Variants in FANCA observed in about 807,000 individuals in gnomAD.
The protein encoded by FANCA is FA complementation group A.
Under a neutral mutation model 194.3 loss-of-function variants are expected in FANCA, and 236 were observed. The observed-to-expected ratio is 1.21, with a 90% CI of 1.09 to 1.35. The LOEUF is 1.35. FANCA is among the 40% of genes most tolerant of loss of function. The probability of loss-of-function intolerance (pLI) is 0.00; values close to 1 mark genes in which losing one functional copy is unlikely to be tolerated. For missense variants in FANCA, 2,628 were observed against 1,813.9 expected, an observed-to-expected ratio of 1.45 and a Z score of -8.15; for synonymous variants, 1,014 against 715.8, an observed-to-expected ratio of 1.42 and a Z score of -6.65.
At chr16:89,740,178 G>A in intron 38 of FANCA, 79 bp from the exon 39 acceptor site, 1 of 1,106,398 alleles carries the variant, frequency 9.0e-7, no homozygotes, top group Non-Finnish European at 1.4e-6. Flanking sequence ...CCTCAGCACA[G>A]AAGAGGGCAT....
intron 9 of FANCA, 29 bp downstream of exon 9, chr16:89,799,576 C>G: frequency 6.2e-7 from 1 of 1,605,234 alleles, no homozygotes; most frequent in Non-Finnish European, 8.5e-7. Context: ...AAGTCATTTA[C>G]AGTCTGGGCT....
chr16:89,739,651 C>T (rs1960775515), intron 39 of FANCA, 98 bp from the exon 40 acceptor site: 3 of 1,510,502 alleles, frequency 2.0e-6, no homozygotes. Flanking sequence ...CCCTGGGAGG[C>T]CTGGCTGTGG....
At chr16:89,810,575 TCATCCAC>T in intron 5 of FANCA, 125 bp downstream of exon 5, 3 of 738,648 alleles carry the variant, frequency 4.1e-6, no homozygotes, top group Admixed American at 2.0e-5. Context: ...AAACCCTTTT[TCATCCAC>T]TCTCTGTAAT....
At chr16:89,780,982 T>A (rs2039680155) in intron 17 of FANCA, among the ~76,000 whole-genome samples, 1 of 151,566 alleles carries the variant, frequency 6.6e-6, no homozygotes, top group Non-Finnish European at 1.5e-5. Context: ...AATGGAAAAT[T>A]ATATTAAATA....
intron 1 of FANCA, 47 bp downstream of exon 1, chr16:89,816,485 ACCGTC>A: frequency 7.0e-7 from 1 of 1,426,716 alleles, no homozygotes; most frequent in African/African-American, 1.5e-5. Flanking sequence ...AACCGGCGAA[ACCGTC>A]CCGGGCCGGA....
chr16:89,768,555 C>T (rs973640188), intron 26 of FANCA, among the ~76,000 whole-genome samples: 3 of 152,068 alleles, frequency 2.0e-5, no homozygotes, highest in African/African-American at 7.2e-5. Flanking sequence ...ACTCAGGAAG[C>T]TGAGGCACAA....
chr16:89,754,077 C>T (rs2038688441), intron 30 of FANCA, among the ~76,000 whole-genome samples: 1 of 151,812 alleles, frequency 6.6e-6, no homozygotes, highest in Admixed American at 6.6e-5. Flanking sequence ...CAAAAATTAG[C>T]TGGGCATGGT....
At chr16:89,774,955 G>A (rs17226477) in intron 21 of FANCA, among the ~76,000 whole-genome samples, 10 of 151,856 alleles carry the variant, frequency 6.6e-5, no homozygotes, top group East Asian at 3.9e-4. Context: ...CTAGCAAGGC[G>A]TAGTAGTGCG....
intron 15 of FANCA, among the ~76,000 whole-genome samples, chr16:89,784,398 C>CA (rs140174501): frequency 0.071 from 5,775 of 81,712 alleles, 264 homozygotes; most frequent in African/African-American, 0.16. Context: ...AACAAAAAAA[C>CA]AAAAAAAAAA....
chr16:89,795,059 C>T (rs1253883680), intron 11 of FANCA, among the ~76,000 whole-genome samples: 1 of 152,050 alleles, frequency 6.6e-6, no homozygotes, highest in Admixed American at 6.6e-5. Context: ...CCGAGACGGG[C>T]GGATTACCTG....
rs1247181693 is a variant in FANCA at position 89,749,883 on chromosome 16, T to G, written c.3086A>C (p.Glu1029Ala). The change falls in exon 32 of 43, where the codon GAG becomes GCG. Residue 1029 changes from glutamate to alanine, a missense_variant. Coordinates refer to ENST00000389301, the MANE Select transcript of FANCA (RefSeq NM_000135.4). ...AGGCACTATGAGGTCTTGCTGCAGCTCCAGGTCAGCTACCATCTCCTGAAA... is the reference window on the plus strand; with the variant it reads ...AGGCACTATGAGGTCTTGCTGCAGCGCCAGGTCAGCTACCATCTCCTGAAA... ...SRLQEMVADL[E>A]LQQDLIVPLG... is the part of the protein sequence containing the mutation. The G allele has an allele frequency of 1.2e-6, 2 of 1,614,116 alleles. No homozygotes were observed. The highest frequency in any genetic ancestry group is 2.2e-5 in the South Asian group (2 of 91,086).
At chr16:89,789,608 T>A (rs908991337) in intron 14 of FANCA, among the ~76,000 whole-genome samples, 5 of 151,844 alleles carry the variant, frequency 3.3e-5, no homozygotes, top group Non-Finnish European at 7.4e-5. Context: ...CCCAGCTAAT[T>A]GTTACATTCT....
intron 28 of FANCA, among the ~76,000 whole-genome samples, chr16:89,763,342 A>G (rs1044922293): frequency 6.6e-6 from 1 of 152,170 alleles, no homozygotes; most frequent in Admixed American, 6.5e-5. Flanking sequence ...TTGGCAGGCC[A>G]AAGCAGAAGG....
At chr16:89,758,531 T>C (rs1374793089) in intron 30 of FANCA, 46 bp downstream of exon 30, 2 of 1,604,880 alleles carry the variant, frequency 1.2e-6, no homozygotes, top group Non-Finnish European at 1.7e-6. Context: ...TATATCCTAT[T>C]AGTCCTGTCC....
At chr16:89,765,809 C>G (rs2039107217) in intron 27 of FANCA, among the ~76,000 whole-genome samples, 1 of 152,232 alleles carries the variant, frequency 6.6e-6, no homozygotes, top group Non-Finnish European at 1.5e-5. Flanking sequence ...TCCATGTTTT[C>G]TTTAAAAACT....
chr16:89,773,708 G>C (rs556322492), intron 21 of FANCA, among the ~76,000 whole-genome samples: 1 of 151,890 alleles, frequency 6.6e-6, no homozygotes, highest in Non-Finnish European at 1.5e-5. Flanking sequence ...AAGGAGGATC[G>C]AGGGCTGGCG....
chr16:89,765,660 T>C (rs996772436), intron 27 of FANCA, among the ~76,000 whole-genome samples: 2 of 152,252 alleles, frequency 1.3e-5, no homozygotes, highest in Non-Finnish European at 2.9e-5. Flanking sequence ...AGACACACTA[T>C]TGGTGCTGCG....
intron 22 of FANCA, among the ~76,000 whole-genome samples, chr16:89,772,838 G>A (rs1207672651): frequency 6.6e-6 from 1 of 151,306 alleles, no homozygotes; most frequent in Non-Finnish European, 1.5e-5. Flanking sequence ...AAAGAAAAAA[G>A]AAACTGCATG....
At chr16:89,785,423 T>C (rs2039864053) in intron 14 of FANCA, among the ~76,000 whole-genome samples, 1 of 152,178 alleles carries the variant, frequency 6.6e-6, no homozygotes, top group Non-Finnish European at 1.5e-5. Context: ...CACTTTAACT[T>C]CTAACCTCAT....
Sources: gnomAD v4.1 joint callset for allele counts (sites outside exome capture counted in the v4.1 genomes callset) on GRCh38, gnomAD v4.1.1 for gene constraint, MANE v1.5 for transcripts, NCBI Gene and HGNC (gene_info 2026-07-23, HGNC 2026-07-21) for gene names.